Variants in ROBO2 observed in about 807,000 individuals in gnomAD.
ROBO2 encodes the protein roundabout guidance receptor 2.
ROBO2 carries 53 observed loss-of-function variants against 160.8 expected under a neutral mutation model. That is an observed-to-expected ratio of 0.33 (90% CI 0.26 to 0.41). ROBO2 has a LOEUF of 0.41. Ranked by LOEUF, ROBO2 falls within the 10% of genes least tolerant of loss-of-function variation. ROBO2 has a pLI of 1.00. For synonymous variants in ROBO2, 664 were observed against 611.7 expected, an observed-to-expected ratio of 1.09 and a Z score of -1.26; for missense variants, 1,577 against 1,722.4, an observed-to-expected ratio of 0.92 and a Z score of 1.49.
intron 2 of ROBO2, among the ~76,000 whole-genome samples, chr3:76,480,567 C>T (rs1049435340): frequency 2.0e-5 from 3 of 152,056 alleles, no homozygotes; most frequent in Admixed American, 2.0e-4. Context: ...CTGAGAAGTC[C>T]AAGATCAAGG....
At chr3:76,666,417 T>A (rs1215387125) in intron 2 of ROBO2, among the ~76,000 whole-genome samples, 2 of 152,144 alleles carry the variant, frequency 1.3e-5, no homozygotes, top group Admixed American at 1.3e-4. Context: ...AAGTATAACT[T>A]GGTAAACATT....
chr3:76,377,213 T>C (rs2076391419), intron 2 of ROBO2, among the ~76,000 whole-genome samples: 1 of 152,096 alleles, frequency 6.6e-6, no homozygotes, highest in African/African-American at 2.4e-5. Flanking sequence ...ATAAAATAAC[T>C]CATGAGAGAT....
chr3:77,548,542 T>C (rs2092791024), intron 7 of ROBO2, among the ~76,000 whole-genome samples: 1 of 152,022 alleles, frequency 6.6e-6, no homozygotes, highest in Non-Finnish European at 1.5e-5. Flanking sequence ...GTGCATAAAA[T>C]GTGTATTGGC....
rs1229040397 is a variant in ROBO2, at chr3:76,531,740, A to AATATTGAAAAAAATAGTG, written c.110-566273_110-566272insTATTGAAAAAAATAGTGA. Among the ~76,000 whole-genome samples, 7 of 151,974 alleles carry AATATTGAAAAAAATAGTG rather than the reference A, an allele frequency of 4.6e-5. No individual in the cohort carries two copies. The East Asian group carries it at 1.4e-3, about 29-fold the overall frequency. On this transcript the variant is annotated intron_variant, in intron 2 of 26. Coordinates refer to the ROBO2 transcript ENST00000487694. Reference sequence around the variant, plus strand: ...GGCTTCTGATGCTATTTGTTGAAAAAACAACAACACTATTTTCTTAATTTT... The same window carrying AATATTGAAAAAAATAGTG: ...GGCTTCTGATGCTATTTGTTGAAAAAATATTGAAAAAAATAGTGACAACAACACTATTTTCTTAATTTT...
At position 76,242,252 on chromosome 3, in the gene ROBO2, G is replaced by T. The variant is rs146752159; in HGVS notation, c.109+304650G>T. Reference sequence around the variant, plus strand: ...TACATTATGGATCTGTGCACTCTTGGCTACTAAAAACACAACTGCCCCCTT... The same window carrying T: ...TACATTATGGATCTGTGCACTCTTGTCTACTAAAAACACAACTGCCCCCTT... On this transcript the variant is annotated intron_variant, in intron 2 of 26. Coordinates refer to the ROBO2 transcript ENST00000487694. Among the ~76,000 whole-genome samples the T allele has an allele frequency of 5.8e-3, 884 of 151,936 alleles. 51 individuals carry two copies. In the East Asian group the frequency reaches 0.14, roughly 24 times the overall value.
At chr3:76,015,133 C>T (rs1380419696) in intron 2 of ROBO2, among the ~76,000 whole-genome samples, 1 of 152,114 alleles carries the variant, frequency 6.6e-6, no homozygotes, top group Non-Finnish European at 1.5e-5. Context: ...ATAAGAATCA[C>T]ACTATGTACT....
intron 2 of ROBO2, among the ~76,000 whole-genome samples, chr3:75,995,268 C>G (rs1033846667): frequency 4.6e-5 from 7 of 152,110 alleles, no homozygotes; most frequent in African/African-American, 1.7e-4. Flanking sequence ...AAAATGGTTT[C>G]CAGGACCAGG....
At chr3:76,116,439 A>C (rs574108668) in intron 2 of ROBO2, among the ~76,000 whole-genome samples, 1 of 152,258 alleles carries the variant, frequency 6.6e-6, no homozygotes, top group East Asian at 1.9e-4. Context: ...AATTCTATTG[A>C]ATATTAGCGA....
rs182385650 is a variant in ROBO2 at position 77,282,065 on chromosome 3, A to C, written c.388+183725A>C. Reference sequence around the variant, plus strand: ...TAATATTTACTACAATGTAAATGCTATGTAAATAGTTAATACTGTATTGCT... The same window carrying C: ...TAATATTTACTACAATGTAAATGCTCTGTAAATAGTTAATACTGTATTGCT... On this transcript the variant is annotated intron_variant, in intron 2 of 25. Coordinates refer to ENST00000461745, the Ensembl canonical transcript of ROBO2. 2.0e-5 allele frequency among the ~76,000 whole-genome samples: 3 copies of C among 152,290 alleles called. No individual in the cohort carries two copies. The East Asian group carries it at 5.8e-4, about 29-fold the overall frequency.
chr3:75,988,151 G>A (rs1464630422), intron 2 of ROBO2, among the ~76,000 whole-genome samples: 1 of 152,126 alleles, frequency 6.6e-6, no homozygotes, highest in East Asian at 1.9e-4. Context: ...CAGTGAAGCT[G>A]TCAGGTCCAG....
intron 2 of ROBO2, among the ~76,000 whole-genome samples, chr3:76,460,340 T>A (rs2078017264): frequency 6.6e-6 from 1 of 152,132 alleles, no homozygotes; most frequent in South Asian, 2.1e-4. Flanking sequence ...AGCATGATCA[T>A]TTCAAAATAA....
At chr3:77,431,319 G>C (rs1396695487) in intron 2 of ROBO2, among the ~76,000 whole-genome samples, 1 of 152,284 alleles carries the variant, frequency 6.6e-6, no homozygotes, top group African/African-American at 2.4e-5. Context: ...TGATAAAGGG[G>C]TTATGATCAT....
At chr3:77,334,867 C>G (rs2066329675) in intron 2 of ROBO2, among the ~76,000 whole-genome samples, 1 of 152,102 alleles carries the variant, frequency 6.6e-6, no homozygotes, top group Non-Finnish European at 1.5e-5. Context: ...TTCCTGTATT[C>G]CCTGCATAGT....
intron 2 of ROBO2, among the ~76,000 whole-genome samples, chr3:77,032,464 T>G (rs952502108): frequency 1.3e-5 from 2 of 152,180 alleles, no homozygotes; most frequent in East Asian, 1.9e-4. Context: ...TTTTAAAAAT[T>G]TAGGTATTAT....
At chr3:77,107,476 G>A (rs1005293381) in intron 2 of ROBO2, among the ~76,000 whole-genome samples, 3 of 152,178 alleles carry the variant, frequency 2.0e-5, no homozygotes, top group South Asian at 2.1e-4. Flanking sequence ...AACCAACTGC[G>A]AATTAAAAAT....
intron 2 of ROBO2, among the ~76,000 whole-genome samples, chr3:77,413,374 T>C (rs1238704715): frequency 6.6e-6 from 1 of 152,176 alleles, no homozygotes; most frequent in Non-Finnish European, 1.5e-5. Flanking sequence ...CTGGGTGGGA[T>C]AAATCCTGCA....
intron 2 of ROBO2, among the ~76,000 whole-genome samples, chr3:77,180,568 T>G (rs2080679714): frequency 6.6e-6 from 1 of 150,716 alleles, no homozygotes; most frequent in Non-Finnish European, 1.5e-5. Context: ...CCCAAGTAGC[T>G]GGGACTACAC....
chr3:77,125,356 A>G (rs1174726767), intron 2 of ROBO2, among the ~76,000 whole-genome samples: 2 of 152,122 alleles, frequency 1.3e-5, no homozygotes, highest in East Asian at 3.9e-4. Flanking sequence ...AATCACTACA[A>G]ATTTCAACCT....
intron 2 of ROBO2, among the ~76,000 whole-genome samples, chr3:76,072,667 T>G (rs1248058188): frequency 6.6e-6 from 1 of 152,194 alleles, no homozygotes; most frequent in Non-Finnish European, 1.5e-5. Flanking sequence ...ATATCATATA[T>G]TATTCTTTAA....
Sources: allele counts gnomAD v4.1 joint callset (sites outside exome capture counted in the v4.1 genomes callset), GRCh38; gene constraint gnomAD v4.1.1; transcripts MANE v1.5; gene names NCBI Gene and HGNC (gene_info 2026-07-23, HGNC 2026-07-21).